Variants in TOP3B observed in about 807,000 individuals in gnomAD.
TOP3B encodes DNA topoisomerase III beta.
A neutral mutation model predicts 93.9 loss-of-function variants in TOP3B; 45 were observed. That is an observed-to-expected ratio of 0.48 (90% CI 0.38 to 0.61). The LOEUF is 0.61. Among genes scored for constraint, TOP3B ranks in the 20% least tolerant of loss-of-function variants. The pLI is 0.00. For missense variants in TOP3B, 750 were observed against 1,156.1 expected (o/e 0.65, Z 5.09); for synonymous variants, 357 against 472.6 (o/e 0.76, Z 3.17).
In TOP3B at chr22:21,967,617, C is replaced by T. The variant is rs757428562; in HGVS notation, c.838G>A (p.Glu280Lys). 43 of 1,614,142 alleles carry T rather than the reference C, an allele frequency of 2.7e-5. No individual in the cohort carries two copies. The highest frequency in any genetic ancestry group is 3.4e-5 in the Non-Finnish European group (40 of 1,179,978). The change falls in exon 8 of 18, where the codon GAG becomes AAG. Residue 280 changes from glutamate to lysine, a missense_variant. Coordinates refer to ENST00000357179, the MANE Select transcript of TOP3B (RefSeq NM_001282112.2). ...AGCAGGCACACCTGGGCTTCCTTCT[C>T]CAGCTTTGTCATGTTTAAAAACATC... ...AQMFLNMTKL[E>K]KEAQVEATSR...
At position 21,963,014 on chromosome 22, in the gene TOP3B, G is replaced by T; in HGVS notation, c.1205-121C>A. The T allele has an allele frequency of 8.2e-7, 1 of 1,223,376 alleles. No homozygotes were observed. The highest frequency in any genetic ancestry group is 1.2e-6 in the Non-Finnish European group (1 of 864,004). The allele number at this position is 1,223,376 out of a possible 1,614,324, so 75.8% of individuals were successfully genotyped here. A position where few individuals can be genotyped will look rare whatever the true frequency, so the allele number is the denominator to read the frequency against. ...ACAGAGCCGCTGTGCAGGACACACT[G>T]CAAATCCTGGGGAAGGAGGAAAGAA... On this transcript the variant is annotated intron_variant, in intron 11 of 17. Transcript: ENST00000357179. The surrounding 1 kb of genome is among the most constrained non-coding windows in gnomAD (Gnocchi z 4.8).
intron 7 of TOP3B, 87 bp from the exon 8 acceptor site, chr22:21,967,803 G>C: frequency 9.4e-7 from 1 of 1,066,862 alleles, no homozygotes; most frequent in Non-Finnish European, 1.4e-6. Flanking sequence ...AGATGAAGCT[G>C]GTCCTTGTCT....
intron 8 of TOP3B, chr22:21,966,357 T>A (rs2145849509): frequency 6.6e-6 from 1 of 152,230 alleles, no homozygotes; most frequent in South Asian, 2.1e-4. Context: ...GGGCTGCAGA[T>A]GGAAATCCTA....
intron 1 of TOP3B, among the ~76,000 whole-genome samples, chr22:21,979,808 G>T (rs1049520644): frequency 6.6e-6 from 1 of 151,724 alleles, no homozygotes; most frequent in Non-Finnish European, 1.5e-5. Context: ...GGGCATGGTG[G>T]CAGGCGCCTG....
intron 8 of TOP3B, 118 bp downstream of exon 8, chr22:21,967,485 T>C: frequency 1.3e-6 from 1 of 781,076 alleles, no homozygotes. Context: ...GATGTCTGTG[T>C]TTCAGAAAGG....
chr22:21,972,286 GTCTT>G, intron 4 of TOP3B: 1 of 451,320 alleles, frequency 2.2e-6, no homozygotes, highest in Non-Finnish European at 3.9e-6. Flanking sequence ...TAATTTTTCT[GTCTT>G]TCTACTTATC....
At chr22:21,957,935 T>C in intron 17 of TOP3B, 1 of 1,431,052 alleles carries the variant, frequency 7.0e-7, no homozygotes, top group Non-Finnish European at 9.3e-7. Context: ...CCCTGTCAGC[T>C]ACTCTGGCGG....
intron 4 of TOP3B, 24 bp downstream of exon 4, chr22:21,972,588 C>T: frequency 6.4e-7 from 1 of 1,569,270 alleles, no homozygotes; most frequent in East Asian, 2.3e-5. Flanking sequence ...CCGGTGTGCT[C>T]ATGCCCAGGC....
rs778668518 is a variant in TOP3B, at chr22:21,971,573, C to G, written c.384+304G>C. 4 of 426,968 alleles carry G rather than the reference C, an allele frequency of 9.4e-6. No individual in the cohort carries two copies. Among genetic ancestry groups the G allele is most frequent in the African/African-American group, 8.1e-5 (4 of 49,116 alleles). The allele number at this position is 426,968 out of a possible 1,614,324, so 26.4% of individuals were successfully genotyped here. On this transcript the variant is annotated intron_variant, in intron 5 of 17. Transcript: ENST00000357179. The surrounding 1 kb of genome is among the most constrained non-coding windows in gnomAD (Gnocchi z 4.6). The stretch of plus-strand genomic sequence containing the variant: ...ACGCTGGGCACAAGATGCTGAACAC[C>G]AAGCTGCCCCAAGACAATCCCATTC...
At chr22:21,959,486 T>G in intron 15 of TOP3B, 101 bp downstream of exon 15, 2 of 1,518,442 alleles carry the variant, frequency 1.3e-6, no homozygotes, top group Non-Finnish European at 1.8e-6. Context: ...GAAGCCCAGA[T>G]CTGGGAGCTG....
intron 1 of TOP3B, among the ~76,000 whole-genome samples, chr22:21,978,620 G>T (rs1275167200): frequency 1.3e-5 from 2 of 152,088 alleles, no homozygotes; most frequent in Admixed American, 1.3e-4. Flanking sequence ...GAGGGGTAAG[G>T]TCCTGAAAGC....
At chr22:21,964,419 G>A in intron 9 of TOP3B, 104 bp from the exon 10 acceptor site, 1 of 1,384,148 alleles carries the variant, frequency 7.2e-7, no homozygotes. Context: ...GGCCCCTCCT[G>A]GAGGGTGACG....
In TOP3B at chr22:21,972,676, A is replaced by C; in HGVS notation, c.245T>G (p.Phe82Cys). ...KWDKVDPAEL[F>C]SQAPTEKKEA... ...TTTCTTCTCCGTGGGAGCTTGGCTG[A>C]ACAGTTCTGCGGGGTCCACTTTGTC... Residue 82 changes from phenylalanine to cysteine, a missense_variant, in exon 4 of 18, where the codon TTC becomes TGC. Transcript: ENST00000357179. The C allele has an allele frequency of 6.2e-7, 1 of 1,613,696 alleles. No homozygotes were observed.
intron 1 of TOP3B, chr22:21,976,033 G>A (rs957921738): frequency 5.0e-6 from 1 of 199,850 alleles, no homozygotes; most frequent in Admixed American, 5.8e-5. Context: ...CCATTTGGGG[G>A]AAGGTGAAGT....
At chr22:21,972,973 G>C (rs2071705164) in intron 3 of TOP3B, 7 of 483,444 alleles carry the variant, frequency 1.4e-5, no homozygotes, top group Non-Finnish European at 2.6e-5. Context: ...CAGGAGCCAA[G>C]CAAGCTCTCG....
At chr22:21,973,143 T>C (rs1229391975) in intron 3 of TOP3B, 2 of 262,526 alleles carry the variant, frequency 7.6e-6, no homozygotes, top group Admixed American at 1.0e-4. Flanking sequence ...CCCAGCACTC[T>C]GTGGGGGCAC....
chr22:21,963,959 T>C lies in TOP3B; in HGVS notation c.1168A>G (p.Ile390Val), dbSNP rs1040908769. 4 of 1,613,126 alleles carry C rather than the reference T, an allele frequency of 2.5e-6. No homozygotes were observed. Among genetic ancestry groups the C allele is most frequent in the Admixed American group, 3.3e-5 (2 of 59,880 alleles). ...TCTGTGGCAGACTTCATGGGGGTGA[T>C]GGGGGGATGGTCGCCGGCGTCATGG... ...KGHDAGDHPP[I>V]TPMKSATEAE... The change falls in exon 11 of 18, where the codon ATC becomes GTC. Residue 390 changes from isoleucine to valine, a missense_variant. By Grantham distance (29) the Ile-to-Val change is conservative. Transcript: ENST00000357179. This position sits in a 1 kb window ranked among gnomAD's most constrained non-coding sequence, Gnocchi z 4.8.
intron 3 of TOP3B, chr22:21,972,970 C>T (rs374368824): frequency 6.1e-6 from 3 of 489,344 alleles, no homozygotes; most frequent in Non-Finnish European, 7.4e-6. Flanking sequence ...CCACAGGAGC[C>T]AAGCAAGCTC....
chr22:21,973,280 T>C (rs960073430), intron 3 of TOP3B: 5 of 158,944 alleles, frequency 3.1e-5, no homozygotes, highest in Admixed American at 5.9e-5. Context: ...TAGGCCCCAT[T>C]TCTTTTTTTT....
Sources: allele counts gnomAD v4.1 joint callset (sites outside exome capture counted in the v4.1 genomes callset), GRCh38; gene constraint gnomAD v4.1.1; non-coding constraint Gnocchi (gnomAD v3.1); transcripts MANE v1.5; gene names NCBI Gene and HGNC (gene_info 2026-07-23, HGNC 2026-07-21).